ADCY2: variants seen among roughly 807,000 people sequenced by gnomAD.
The protein encoded by ADCY2 is adenylate cyclase type 2.
ADCY2 carries 31 observed loss-of-function variants against 125.2 expected under a neutral mutation model. The ratio of observed to expected loss-of-function variants is 0.25; its 90% CI spans 0.19 to 0.33. ADCY2 has a LOEUF of 0.33. Ranked by LOEUF, ADCY2 falls within the 10% of genes least tolerant of loss-of-function variation. The pLI, the probability that ADCY2 is intolerant of heterozygous loss-of-function variation, is 1.00. For missense variants in ADCY2, 904 were observed against 1,418.2 expected (o/e 0.64, Z 5.82); for synonymous variants, 512 against 548.4 (o/e 0.93, Z 0.93).
At chr5:7,755,401 AG>A (rs1218712131) in intron 15 of ADCY2, among the ~76,000 whole-genome samples, 2 of 150,300 alleles carry the variant, frequency 1.3e-5, no homozygotes, top group African/African-American at 5.0e-5. Context: ...AGGAGCTGGA[AG>A]GAAGAAAAAA....
chr5:7,609,285 G>A (rs764062794), intron 3 of ADCY2, among the ~76,000 whole-genome samples: 6 of 152,152 alleles, frequency 3.9e-5, no homozygotes, highest in African/African-American at 9.7e-5. Context: ...TAGGAGAGGC[G>A]GAAAAGTAGA....
intron 4 of ADCY2, among the ~76,000 whole-genome samples, chr5:7,671,186 A>C (rs185373942): frequency 6.6e-6 from 1 of 152,358 alleles, no homozygotes; most frequent in Admixed American, 6.5e-5. Flanking sequence ...TATAACAAGC[A>C]TTAGAAAACA....
At chr5:7,787,917 C>A (rs1186652501) in intron 19 of ADCY2, among the ~76,000 whole-genome samples, 2 of 152,132 alleles carry the variant, frequency 1.3e-5, no homozygotes, top group Non-Finnish European at 2.9e-5. Context: ...TTAACTGCTC[C>A]CTTGGAGGTG....
At chr5:7,433,054 T>C (rs539341333) in intron 2 of ADCY2, among the ~76,000 whole-genome samples, 5 of 152,316 alleles carry the variant, frequency 3.3e-5, no homozygotes, top group Non-Finnish European at 7.4e-5. Flanking sequence ...CAGGTGTTGT[T>C]CACATGGTAA....
At chr5:7,636,453 G>T (rs1347637587) in intron 4 of ADCY2, among the ~76,000 whole-genome samples, 1 of 152,246 alleles carries the variant, frequency 6.6e-6, no homozygotes, top group African/African-American at 2.4e-5. Context: ...TCTATGCAGG[G>T]TGTGGGGATT....
chr5:7,471,483 C>A (rs764800813), intron 2 of ADCY2, among the ~76,000 whole-genome samples: 3 of 151,980 alleles, frequency 2.0e-5, no homozygotes, highest in Non-Finnish European at 4.4e-5. Flanking sequence ...GCATTTAAGG[C>A]ACTTATAACA....
At chr5:7,804,934 C>T (rs1396824585) in intron 22 of ADCY2, among the ~76,000 whole-genome samples, 1 of 152,074 alleles carries the variant, frequency 6.6e-6, no homozygotes, top group African/African-American at 2.4e-5. Flanking sequence ...CTGCTTGTTA[C>T]CAGATAAATA....
rs1166438229 is a variant in ADCY2 at position 7,626,219 on chromosome 5, A to G, written c.623A>G (p.His208Arg). The change falls in exon 4 of 25, where the codon CAT (histidine) becomes CGT (arginine). Residue 208 changes from histidine (H) to arginine (R), a missense_variant. Coordinates refer to ENST00000338316, the MANE Select transcript of ADCY2 (RefSeq NM_020546.3). ...TGTGGGAACCTGGCGGGAGCCTACCATAAGCACCTCATGGAACTCGCTCTT... is the reference window on the plus strand; with the variant it reads ...TGTGGGAACCTGGCGGGAGCCTACCGTAAGCACCTCATGGAACTCGCTCTT... ...FICGNLAGAY[H>R]KHLMELALQQ... 6.2e-7 allele frequency: 1 copy of G among 1,614,162 alleles called. No individual in the cohort carries two copies. The highest frequency in any genetic ancestry group is 8.5e-7 in the Non-Finnish European group (1 of 1,179,980).
At chr5:7,584,254 T>C (rs72709199) in intron 3 of ADCY2, among the ~76,000 whole-genome samples, 5,458 of 152,198 alleles carry the variant, frequency 0.036, 142 homozygotes, top group Non-Finnish European at 0.054. Context: ...ATAGCGAATG[T>C]TGAAATCCTG....
At chr5:7,690,634 T>A in intron 4 of ADCY2, 57 bp from the exon 5 acceptor site, 1 of 1,398,814 alleles carries the variant, frequency 7.1e-7, no homozygotes, top group Non-Finnish European at 9.4e-7. Context: ...CAATGTTATT[T>A]GGTCATCCCC....
At chr5:7,522,527 A>G (rs1744481647) in intron 3 of ADCY2, 1 of 151,912 alleles carries the variant, frequency 6.6e-6, no homozygotes. Context: ...CCACTCTTCC[A>G]TCTTCTCGTT....
intron 18 of ADCY2, chr5:7,782,044 A>C (rs965404628): frequency 1.3e-5 from 2 of 158,778 alleles, no homozygotes; most frequent in African/African-American, 4.8e-5. Flanking sequence ...TGGAGTCCCT[A>C]GTAGTTGTCA....
At chr5:7,425,109 C>G (rs1740340837) in intron 2 of ADCY2, among the ~76,000 whole-genome samples, 2 of 152,184 alleles carry the variant, frequency 1.3e-5, no homozygotes, top group South Asian at 4.1e-4. Context: ...GAGCCCCAGA[C>G]CTATGTGTGC....
chr5:7,626,109 ATT>A, intron 3 of ADCY2, 56 bp from the exon 4 acceptor site: 1 of 1,553,514 alleles, frequency 6.4e-7, no homozygotes, highest in Non-Finnish European at 8.7e-7. Flanking sequence ...CTTTGTTTTG[ATT>A]GTATTCACAA....
intron 14 of ADCY2, among the ~76,000 whole-genome samples, chr5:7,741,629 CCAT>C (rs371258295): frequency 0.01 from 30 of 2,862 alleles, no homozygotes; most frequent in Middle Eastern, 0.062. Flanking sequence ...ATCATTATCA[CCAT>C]CATCATCACC....
At chr5:7,732,834 G>T (rs1467479200) in intron 14 of ADCY2, among the ~76,000 whole-genome samples, 1 of 152,182 alleles carries the variant, frequency 6.6e-6, no homozygotes, top group Non-Finnish European at 1.5e-5. Context: ...CTGAAAGGGA[G>T]CCCAACATGA....
chr5:7,405,742 A>T (rs1178748478), intron 1 of ADCY2, among the ~76,000 whole-genome samples: 1 of 152,264 alleles, frequency 6.6e-6, no homozygotes, highest in African/African-American at 2.4e-5. Flanking sequence ...GAAGGGGATT[A>T]TTGGAGCCAA....
chr5:7,662,443 G>C (rs540413481), intron 4 of ADCY2, among the ~76,000 whole-genome samples: 1 of 152,194 alleles, frequency 6.6e-6, no homozygotes, highest in African/African-American at 2.4e-5. Context: ...CCACCAGCAC[G>C]GAAGTAGCCT....
At chr5:7,522,818 C>T (rs1247903257) in intron 3 of ADCY2, among the ~76,000 whole-genome samples, 1 of 148,070 alleles carries the variant, frequency 6.8e-6, no homozygotes, top group South Asian at 2.1e-4. Flanking sequence ...CCCAGCTACT[C>T]GGGAGTCTGA....
Sources: allele counts gnomAD v4.1 joint callset (sites outside exome capture counted in the v4.1 genomes callset), GRCh38; gene constraint gnomAD v4.1.1; transcripts MANE v1.5; gene names NCBI Gene and HGNC (gene_info 2026-07-23, HGNC 2026-07-21).